The following NIPSNAP2 variants were observed in gnomAD, a reference collection of about 807,000 sequenced individuals.
NIPSNAP2 encodes nipsnap homolog 2.
NIPSNAP2 carries 42 observed loss-of-function variants against 48.4 expected under a neutral mutation model. The ratio of observed to expected loss-of-function variants is 0.87; its 90% CI spans 0.68 to 1.12. The LOEUF is 1.12. Among genes scored for constraint, NIPSNAP2 ranks in the 50% most tolerant of loss-of-function variants. The pLI is 0.00. For synonymous variants in NIPSNAP2, 158 were observed against 126.6 expected (o/e 1.25, Z -1.67); for missense variants, 314 against 347.3 (o/e 0.90, Z 0.76).
At chr7:55,994,114 C>T (rs1323476897) in intron 7 of NIPSNAP2, among the ~76,000 whole-genome samples, 1 of 152,104 alleles carries the variant, frequency 6.6e-6, no homozygotes, top group Non-Finnish European at 1.5e-5. Flanking sequence ...CTTCCTTCAC[C>T]TGTGTTTTAA....
chr7:55,979,591 C>T (rs189759495), intron 3 of NIPSNAP2: 3 of 355,418 alleles, frequency 8.4e-6, no homozygotes, highest in South Asian at 4.4e-5. Context: ...CCAAGCCTCT[C>T]GAGCCCCATT....
chr7:55,978,193 G>C lies in NIPSNAP2; in HGVS notation c.160G>C (p.Val54Leu). ...SWLKSLFVRK[V>L]DPRKDAHSNL... is the part of the protein sequence containing the mutation. ...GCTAAAATCCTTATTTGTCCGGAAA[G>C]TTGATCCAAGAAAAGATGCCCACTC... The change falls in exon 2 of 10, where the codon GTT becomes CTT. Residue 54 changes from valine (V) to leucine (L), a missense_variant. By Grantham distance (32) the Val-to-Leu change is conservative. Around this residue, in one of 2 missense-constraint regions of NIPSNAP2, gnomAD observed 198 missense variants for 185.5 expected, o/e 1.07. Coordinates refer to ENST00000322090, the MANE Select transcript of NIPSNAP2 (RefSeq NM_001483.3). 1 of 1,614,174 alleles carries C rather than the reference G, an allele frequency of 6.2e-7. No individual in the cohort carries two copies. Among genetic ancestry groups the C allele is most frequent in the Non-Finnish European group, 8.5e-7 (1 of 1,180,032 alleles).
chr7:55,981,198 G>C (rs1438530215), intron 3 of NIPSNAP2: 1 of 197,884 alleles, frequency 5.1e-6, no homozygotes, highest in Non-Finnish European at 1.0e-5. Context: ...CCAAAATCCT[G>C]GGACCTTTGG....
chr7:55,976,050 G>C (rs1279892507), intron 1 of NIPSNAP2, among the ~76,000 whole-genome samples: 1 of 87,212 alleles, frequency 1.1e-5, no homozygotes, highest in African/African-American at 4.7e-5. Flanking sequence ...GTGTGTGTGT[G>C]TGTGTGTGTG....
chr7:55,964,655 G>A lies in NIPSNAP2; in HGVS notation c.46G>A (p.Gly16Ser). 9.0e-7 allele frequency: 1 copy of A among 1,105,252 alleles called. No homozygotes were observed. Among genetic ancestry groups the A allele is most frequent in the Non-Finnish European group, 1.1e-6 (1 of 907,720 alleles). 68.5% of individuals were successfully genotyped at this position (1,105,252 alleles called of 1,614,324 possible). ...CGCCCGCGGAGCGGCCTGGGCCGGC[G>A]GCCTCCTGCAGCGGGCGGCCCCCTG... Reference protein sequence around the residue: ...LRARGAAWAGGLLQRAAPCSL... With the variant: ...LRARGAAWAGSLLQRAAPCSL... The change falls in exon 1 of 10, where the codon GGC (glycine) becomes AGC (serine). Residue 16 changes from glycine to serine, a missense_variant. Gly to Ser is a moderately conservative substitution (Grantham distance 56). Coordinates refer to ENST00000322090, the MANE Select transcript of NIPSNAP2 (RefSeq NM_001483.3).
chr7:55,997,076 T>C (rs1173005433), intron 8 of NIPSNAP2, among the ~76,000 whole-genome samples: 1 of 151,854 alleles, frequency 6.6e-6, no homozygotes, highest in Non-Finnish European at 1.5e-5. Context: ...GGAGGATCAC[T>C]TGAGCCTAGG....
At chr7:55,971,588 G>A (rs1044078885) in intron 1 of NIPSNAP2, among the ~76,000 whole-genome samples, 1 of 151,964 alleles carries the variant, frequency 6.6e-6, no homozygotes, top group African/African-American at 2.4e-5. Context: ...TCAGGTTCCT[G>A]GGTAGCTAGG....
intron 7 of NIPSNAP2, among the ~76,000 whole-genome samples, chr7:55,985,909 G>A (rs1045957282): frequency 1.3e-5 from 2 of 151,900 alleles, no homozygotes; most frequent in African/African-American, 2.4e-5. Context: ...TTAGCCGAGC[G>A]TGGTGGTGCA....
intron 7 of NIPSNAP2, among the ~76,000 whole-genome samples, chr7:55,991,093 A>G (rs1787435122): frequency 6.6e-6 from 1 of 151,990 alleles, no homozygotes; most frequent in South Asian, 2.1e-4. Flanking sequence ...GCTCGGCCCC[A>G]GTTTTTCTCT....
chr7:55,988,097 AC>A (rs1178244395), intron 7 of NIPSNAP2, among the ~76,000 whole-genome samples: 2 of 152,090 alleles, frequency 1.3e-5, no homozygotes, highest in Non-Finnish European at 2.9e-5. Flanking sequence ...CCCCATCTCT[AC>A]AAAAAATACA....
At chr7:55,994,378 G>A (rs1787515770) in intron 7 of NIPSNAP2, among the ~76,000 whole-genome samples, 1 of 152,134 alleles carries the variant, frequency 6.6e-6, no homozygotes, top group Non-Finnish European at 1.5e-5. Context: ...AAAAAAATTA[G>A]TATAGCTACA....
chr7:55,982,624 C>T (rs1047635354), intron 5 of NIPSNAP2, among the ~76,000 whole-genome samples: 3 of 151,832 alleles, frequency 2.0e-5, no homozygotes, highest in Non-Finnish European at 2.9e-5. Flanking sequence ...TGGTGGCAGG[C>T]ACCTGTAGTC....
At position 55,981,555 on chromosome 7, in the gene NIPSNAP2, C is replaced by G; in HGVS notation, c.361C>G (p.Gln121Glu). 1 of 1,612,862 alleles carries G rather than the reference C, an allele frequency of 6.2e-7. No homozygotes were observed. The highest frequency in any genetic ancestry group is 8.5e-7 in the Non-Finnish European group (1 of 1,179,076). The change falls in exon 4 of 10, where the codon CAG becomes GAG. Residue 121 changes from glutamine to glutamate, a missense_variant. Physicochemically the swap from Gln to Glu is conservative, Grantham distance 29 (BLOSUM62 2). This residue lies in a region of NIPSNAP2 where 198 missense variants were observed against 185.5 expected (regional missense o/e 1.07). Transcript: ENST00000322090. ...GACTTGGAACACGTGGTATGGCGAG[C>G]AGGACCAAGCTGGTAGGAAGCGAAG... ...VGTWNTWYGE[Q>E]DQAVHLWRYE...
At position 55,982,212 on chromosome 7, in the gene NIPSNAP2, C is replaced by T; in HGVS notation, c.376C>T (p.His126Tyr). 6.3e-7 allele frequency: 1 copy of T among 1,598,494 alleles called. No homozygotes were observed. ...TWYGEQDQAVHLWRYEGGYPA... is the reference protein window; with the variant it reads ...TWYGEQDQAVYLWRYEGGYPA... ...CTGTCTTTTAAAATGCATTTCAGTC[C>T]ACCTCTGGAGGTATGAAGGAGGCTA... Residue 126 changes from histidine (H) to tyrosine (Y), a missense_variant and splice_region_variant, in exon 5 of 10, where the codon CAC becomes TAC. His to Tyr is a moderately conservative substitution (Grantham distance 83). Coordinates refer to ENST00000322090, the MANE Select transcript of NIPSNAP2 (RefSeq NM_001483.3).
intron 3 of NIPSNAP2, chr7:55,978,691 C>G (rs74739586): frequency 3.0e-6 from 1 of 328,862 alleles, no homozygotes. Context: ...TGCTGGAGTC[C>G]TTTCCACAGA....
chr7:55,970,388 A>G (rs1215381047), intron 1 of NIPSNAP2, among the ~76,000 whole-genome samples: 3 of 148,814 alleles, frequency 2.0e-5, no homozygotes, highest in Non-Finnish European at 4.4e-5. Context: ...GGCTCACTGC[A>G]ACGTCCGCCT....
At chr7:55,970,295 C>T (rs994121140) in intron 1 of NIPSNAP2, among the ~76,000 whole-genome samples, 17 of 151,380 alleles carry the variant, frequency 1.1e-4, no homozygotes, top group Non-Finnish European at 2.2e-4. Context: ...TGCCAGGCTG[C>T]TTTTGACACT....
Position 55,978,140 on chromosome 7 carries a change from C to G in NIPSNAP2, c.107C>G (p.Ser36Cys). ...LLPRLRTWTS[S>C]SNRSREDSWL... ...TTATTCCATAGGACATGGACATCTT[C>G]CAGCAACAGATCTCGAGAAGACAGC... The change falls in exon 2 of 10, where the codon TCC becomes TGC. Residue 36 changes from serine to cysteine, a missense_variant. By Grantham distance (112) the Ser-to-Cys change is moderately radical. This residue lies in a region of NIPSNAP2 where 198 missense variants were observed against 185.5 expected (regional missense o/e 1.07). Transcript: ENST00000322090. 2 of 1,614,132 alleles carry G rather than the reference C, an allele frequency of 1.2e-6. No homozygotes were observed. Among genetic ancestry groups the G allele is most frequent in the African/African-American group, 1.3e-5 (1 of 75,048 alleles).
At chr7:55,965,735 C>G (rs191315824) in intron 1 of NIPSNAP2, among the ~76,000 whole-genome samples, 1 of 152,240 alleles carries the variant, frequency 6.6e-6, no homozygotes, top group Non-Finnish European at 1.5e-5. Flanking sequence ...CATGCACCAC[C>G]ACACCCGGCT....
Sources: allele counts gnomAD v4.1 joint callset (sites outside exome capture counted in the v4.1 genomes callset), GRCh38; gene constraint gnomAD v4.1.1; regional missense constraint gnomAD v4.1.1; transcripts MANE v1.5; gene names NCBI Gene and HGNC (gene_info 2026-07-23, HGNC 2026-07-21).